SEMA5A: variants seen among roughly 807,000 people sequenced by gnomAD.
SEMA5A encodes semaphorin 5A, also known as semaphorin-5A.
In SEMA5A, 55 loss-of-function variants were observed where a neutral mutation model predicts 135.5. That is an observed-to-expected ratio of 0.41 (90% CI 0.33 to 0.51). The LOEUF is 0.51. Ranked by LOEUF, SEMA5A falls within the 20% of genes least tolerant of loss-of-function variation. The pLI is 0.37. For missense variants in SEMA5A, 1,290 were observed against 1,419.9 expected (o/e 0.91, Z 1.47); for synonymous variants, 580 against 546.5 (o/e 1.06, Z -0.85).
rs564839916 is a variant in SEMA5A, at chr5:9,337,867, G to T, written c.125-55C>A. 7 of 1,265,414 alleles carry T rather than the reference G, an allele frequency of 5.5e-6. No homozygotes were observed. The Admixed American group carries it at 7.8e-5, about 14-fold the overall frequency. 78.4% of individuals were successfully genotyped at this position (1,265,414 alleles called of 1,614,324 possible). ...ATAAAAATGAATTATTTTTCCTCTG[G>T]GGACCACAGATAGTGCACATCAGGT... On this transcript the variant is annotated intron_variant, in intron 3 of 22. Coordinates refer to ENST00000382496, the MANE Select transcript of SEMA5A (RefSeq NM_003966.3).
At chr5:9,324,122 G>A (rs534093721) in intron 4 of SEMA5A, among the ~76,000 whole-genome samples, 10 of 151,480 alleles carry the variant, frequency 6.6e-5, no homozygotes, top group Admixed American at 1.3e-4. Context: ...AGGCCAGAGC[G>A]CAGTGGTGCT....
intron 9 of SEMA5A, among the ~76,000 whole-genome samples, chr5:9,201,493 T>C (rs924317558): frequency 2.0e-5 from 3 of 152,268 alleles, no homozygotes; most frequent in Non-Finnish European, 4.4e-5. Flanking sequence ...AATGCAGCTA[T>C]GGAAAATGTG....
intron 1 of SEMA5A, among the ~76,000 whole-genome samples, chr5:9,444,064 C>G (rs568390594): frequency 6.6e-6 from 1 of 152,218 alleles, no homozygotes; most frequent in African/African-American, 2.4e-5. Context: ...AGATTGCTGG[C>G]CACTTTACAT....
At chr5:9,046,468 C>T (rs147496114) in intron 21 of SEMA5A, among the ~76,000 whole-genome samples, 3 of 152,194 alleles carry the variant, frequency 2.0e-5, no homozygotes, top group East Asian at 1.9e-4. Flanking sequence ...CCTGCCAATG[C>T]GGACCCACGG....
chr5:9,359,259 GTTAA>G (rs773543719), intron 3 of SEMA5A, among the ~76,000 whole-genome samples: 7 of 152,198 alleles, frequency 4.6e-5, no homozygotes, highest in Admixed American at 6.5e-5. Context: ...TCATGGACTA[GTTAA>G]TTAAATTCCT....
At chr5:9,473,866 G>C (rs1252605016) in intron 1 of SEMA5A, among the ~76,000 whole-genome samples, 1 of 152,150 alleles carries the variant, frequency 6.6e-6, no homozygotes, top group African/African-American at 2.4e-5. Context: ...GGGAGCAGAT[G>C]AGCAGCACAG....
intron 5 of SEMA5A, among the ~76,000 whole-genome samples, chr5:9,317,649 G>A (rs192272660): frequency 3.9e-5 from 6 of 152,278 alleles, no homozygotes; most frequent in Middle Eastern, 3.4e-3. Context: ...AGAGTGAGAC[G>A]AAAATTGGTT....
chr5:9,123,033 T>A (rs939989409), intron 13 of SEMA5A, among the ~76,000 whole-genome samples, 196 bp from the exon 14 acceptor site: 2 of 151,796 alleles, frequency 1.3e-5, no homozygotes, highest in South Asian at 4.2e-4. Flanking sequence ...GACGGGCAGA[T>A]CACGAGGTCA....
intron 2 of SEMA5A, among the ~76,000 whole-genome samples, chr5:9,383,378 T>G (rs1023169119): frequency 1.3e-5 from 2 of 152,152 alleles, no homozygotes; most frequent in Non-Finnish European, 2.9e-5. Flanking sequence ...CCCATATCAG[T>G]TCGGGTAAAT....
At chr5:9,244,138 G>A (rs897315619) in intron 5 of SEMA5A, among the ~76,000 whole-genome samples, 2 of 152,152 alleles carry the variant, frequency 1.3e-5, no homozygotes, top group Middle Eastern at 3.2e-3. Context: ...AGAATCTTGG[G>A]TTGGTTTTGT....
At chr5:9,433,556 G>T (rs189375850) in intron 2 of SEMA5A, among the ~76,000 whole-genome samples, 1 of 150,018 alleles carries the variant, frequency 6.7e-6, no homozygotes, top group African/African-American at 2.4e-5. Context: ...TCTCACACAC[G>T]CTTGTTTGTC....
At chr5:9,221,435 T>G (rs1350069166) in intron 8 of SEMA5A, among the ~76,000 whole-genome samples, 1 of 150,876 alleles carries the variant, frequency 6.6e-6, no homozygotes, top group Non-Finnish European at 1.5e-5. Flanking sequence ...CCCGAGTAGC[T>G]GGGACTACAG....
At chr5:9,353,650 A>G (rs1156653201) in intron 3 of SEMA5A, among the ~76,000 whole-genome samples, 1 of 152,180 alleles carries the variant, frequency 6.6e-6, no homozygotes, top group African/African-American at 2.4e-5. Context: ...ATTGCATCCC[A>G]TAGTTTTATA....
At chr5:9,349,208 G>A (rs1340581282) in intron 3 of SEMA5A, among the ~76,000 whole-genome samples, 3 of 152,146 alleles carry the variant, frequency 2.0e-5, no homozygotes, top group African/African-American at 7.2e-5. Flanking sequence ...CTACACATCG[G>A]AACTAGAACA....
intron 1 of SEMA5A, among the ~76,000 whole-genome samples, chr5:9,489,957 A>G (rs1419010938): frequency 6.6e-6 from 1 of 152,118 alleles, no homozygotes; most frequent in Non-Finnish European, 1.5e-5. Context: ...TTGCTATGTG[A>G]TTTTGCAGAA....
chr5:9,246,077 G>A (rs966166516), intron 5 of SEMA5A, among the ~76,000 whole-genome samples: 4 of 152,196 alleles, frequency 2.6e-5, no homozygotes, highest in African/African-American at 7.2e-5. Flanking sequence ...AGCATCAAAC[G>A]ACTGGTGCAC....
intron 5 of SEMA5A, among the ~76,000 whole-genome samples, chr5:9,295,064 C>G (rs966959602): frequency 1.3e-5 from 2 of 152,154 alleles, no homozygotes; most frequent in Admixed American, 1.3e-4. Context: ...CTTCTGGGAT[C>G]GGATACACTA....
chr5:9,070,298 G>A (rs1027623583), intron 16 of SEMA5A, among the ~76,000 whole-genome samples: 7 of 152,266 alleles, frequency 4.6e-5, no homozygotes, highest in South Asian at 2.1e-4. Flanking sequence ...TTGAATCTGG[G>A]AGGCGGAGGT....
At chr5:9,264,679 C>G (rs367947652) in intron 5 of SEMA5A, among the ~76,000 whole-genome samples, 1 of 152,060 alleles carries the variant, frequency 6.6e-6, no homozygotes, top group African/African-American at 2.4e-5. Context: ...AGGTCACCAG[C>G]GGGTTAATGT....
Sources: gnomAD v4.1 joint callset for allele counts (sites outside exome capture counted in the v4.1 genomes callset) on GRCh38, gnomAD v4.1.1 for gene constraint, MANE v1.5 for transcripts, NCBI Gene and HGNC (gene_info 2026-07-23, HGNC 2026-07-21) for gene names.